The following WNT7B variants were observed in gnomAD, a reference collection of about 807,000 sequenced individuals.
WNT7B encodes Wnt family member 7B, also known as protein Wnt-7b.
A neutral mutation model predicts 38.2 loss-of-function variants in WNT7B; 19 were observed. The observed-to-expected ratio is 0.50, with a 90% confidence interval of 0.35 to 0.73. WNT7B has a LOEUF of 0.73. WNT7B is among the 30% of genes least tolerant of loss of function. The pLI, the probability that WNT7B is intolerant of heterozygous loss-of-function variation, is 0.01. For synonymous variants in WNT7B, 243 were observed against 209.3 expected, an observed-to-expected ratio of 1.16 and a Z score of -1.39; for missense variants, 423 against 507.9, an observed-to-expected ratio of 0.83 and a Z score of 1.61.
intron 2 of WNT7B, among the ~76,000 whole-genome samples, chr22:45,932,543 T>C (rs184268387): frequency 1.3e-5 from 2 of 152,286 alleles, no homozygotes; most frequent in African/African-American, 4.8e-5. Context: ...AGACCCGAGA[T>C]GGGCAGGTTC....
chr22:45,962,773 G>A (rs1932225488), intron 1 of WNT7B, among the ~76,000 whole-genome samples: 4 of 152,244 alleles, frequency 2.6e-5, no homozygotes, highest in Admixed American at 2.6e-4. Context: ...CCTGGCCCTG[G>A]CCCTGATGCC....
chr22:45,972,116 G>GGCCCCCCCCCCCCCCCCCCCCCCCCCCCC, intron 1 of WNT7B: 3 of 530,744 alleles, frequency 5.7e-6, no homozygotes, highest in Non-Finnish European at 9.9e-6. Context: ...CCCGGGGGGA[G>GGCCCCCCCCCCCCCCCCCCCCCCCCCCCC]CCCACCCGCC....
Position 45,926,130 on chromosome 22 carries a change from A to G in WNT7B, c.571-2795T>C, listed in dbSNP as rs967822031. 4.1e-6 allele frequency: 4 copies of G among 985,300 alleles called. No homozygotes were observed. The African/African-American group carries it at 5.2e-5, about 13-fold the overall frequency. 61.0% of individuals were successfully genotyped at this position (985,300 alleles called of 1,614,324 possible). A position where few individuals can be genotyped will look rare whatever the true frequency, so the allele number is the denominator to read the frequency against. Reference sequence around the variant, plus strand: ...CGCTGCTTGCAGAGCGAGGGGCCACATCCTCGCTTGGCTGGATCCCTTGGG... The same window carrying G: ...CGCTGCTTGCAGAGCGAGGGGCCACGTCCTCGCTTGGCTGGATCCCTTGGG... On this transcript the variant is annotated intron_variant, in intron 3 of 3. Coordinates refer to ENST00000339464, the MANE Select transcript of WNT7B (RefSeq NM_058238.3).
intron 3 of WNT7B, chr22:45,926,996 G>A: frequency 1.0e-6 from 1 of 985,436 alleles, no homozygotes; most frequent in African/African-American, 1.7e-5. Flanking sequence ...CTGGCTCCAG[G>A]AGCTGGTGGA....
intron 2 of WNT7B, among the ~76,000 whole-genome samples, chr22:45,932,574 T>C (rs1338663960): frequency 6.6e-6 from 1 of 152,184 alleles, no homozygotes; most frequent in East Asian, 1.9e-4. Flanking sequence ...TCCTCTTTGT[T>C]TCCCCCATCT....
At position 45,931,092 on chromosome 22, in the gene WNT7B, C is replaced by T. The variant is rs766682493; in HGVS notation, c.570+6G>A. 6.4e-6 allele frequency: 10 copies of T among 1,568,356 alleles called. No homozygotes were observed. The highest frequency in any genetic ancestry group is 6.0e-6 in the Non-Finnish European group (7 of 1,157,226). On this transcript the variant is annotated splice_donor_region_variant and intron_variant, in intron 3 of 3. Transcript: ENST00000339464. Reference sequence around the variant, plus strand: ...ACGGCCCCCACCAGCCGCACCCGCACCCTACCTTCCTGCCGGCCTCATTGT... The same window carrying T: ...ACGGCCCCCACCAGCCGCACCCGCATCCTACCTTCCTGCCGGCCTCATTGT...
intron 2 of WNT7B, among the ~76,000 whole-genome samples, chr22:45,946,764 G>A (rs917277946): frequency 3.3e-5 from 5 of 152,228 alleles, no homozygotes; most frequent in African/African-American, 9.6e-5. Flanking sequence ...GGGGAGAAGT[G>A]AGCGCCCCAT....
intron 1 of WNT7B, among the ~76,000 whole-genome samples, chr22:45,958,924 C>T (rs375190206): frequency 3.3e-5 from 5 of 152,254 alleles, no homozygotes; most frequent in East Asian, 3.9e-4. Flanking sequence ...GGAAGCCCCC[C>T]GACGGGCACC....
chr22:45,947,244 G>A (rs894340490), intron 2 of WNT7B, among the ~76,000 whole-genome samples: 5 of 152,344 alleles, frequency 3.3e-5, no homozygotes, highest in South Asian at 4.1e-4. Context: ...TGAGATTCCC[G>A]GCTAAGAAGT....
chr22:45,954,022 G>A (rs1324907425), intron 1 of WNT7B, among the ~76,000 whole-genome samples: 1 of 152,242 alleles, frequency 6.6e-6, no homozygotes, highest in Non-Finnish European at 1.5e-5. Flanking sequence ...CCTGTCAACA[G>A]CTGAGTGGAT....
chr22:45,947,791 T>C (rs1931832362), intron 2 of WNT7B, among the ~76,000 whole-genome samples: 1 of 152,138 alleles, frequency 6.6e-6, no homozygotes, highest in Admixed American at 6.5e-5. Context: ...TCTGCCAAAA[T>C]GTTTGCTTCT....
chr22:45,929,865 C>CATTCATAG (rs1931267632), intron 3 of WNT7B, among the ~76,000 whole-genome samples: 2 of 58,328 alleles, frequency 3.4e-5, no homozygotes, highest in Non-Finnish European at 7.0e-5. Flanking sequence ...TCCTTCCATC[C>CATTCATAG]ATCCATCCAA....
chr22:45,922,792 G>T lies in WNT7B; in HGVS notation c.*64C>A. On this transcript the variant is annotated 3_prime_UTR_variant, in exon 4 of 4. Coordinates refer to ENST00000339464, the MANE Select transcript of WNT7B (RefSeq NM_058238.3). ...CTGGCAGCACCAAGGCAGGGAAGGT[G>T]AGGAGTGGATGTGCAAAATGCCGCC... 1 of 1,548,004 alleles carries T rather than the reference G, an allele frequency of 6.5e-7. No individual in the cohort carries two copies.
chr22:45,939,249 A>T (rs1162588188), intron 2 of WNT7B, among the ~76,000 whole-genome samples: 23 of 152,160 alleles, frequency 1.5e-4, no homozygotes, highest in Admixed American at 1.5e-3. Flanking sequence ...AAAAACTTAA[A>T]CGTAGGGTCA....
chr22:45,936,976 G>C (rs951744678), intron 2 of WNT7B, among the ~76,000 whole-genome samples: 8 of 152,214 alleles, frequency 5.3e-5, no homozygotes, highest in African/African-American at 1.9e-4. Flanking sequence ...GTCCACAGGG[G>C]CCGGTGCACT....
intron 2 of WNT7B, among the ~76,000 whole-genome samples, chr22:45,945,888 G>C (rs567808317): frequency 7.2e-5 from 11 of 152,370 alleles, no homozygotes; most frequent in African/African-American, 2.6e-4. Context: ...CTGGTGTCCC[G>C]GGCCGCTCAC....
At position 45,976,981 on chromosome 22, in the gene WNT7B, G is replaced by T. The variant is rs2146760428; in HGVS notation, c.-227C>A. The T allele has an allele frequency of 1.0e-6, 1 of 987,022 alleles. No individual in the cohort carries two copies. The highest frequency in any genetic ancestry group is 1.1e-4 in the East Asian group (1 of 8,808). 61.1% of individuals were successfully genotyped at this position (987,022 alleles called of 1,614,324 possible). On this transcript the variant is annotated 5_prime_UTR_variant, in exon 1 of 4. Coordinates refer to ENST00000339464, the MANE Select transcript of WNT7B (RefSeq NM_058238.3). This position sits in a 1 kb window ranked among gnomAD's most constrained non-coding sequence, Gnocchi z 8.5. ...AGCCCGGGGAATTGACCCAGGCTGG[G>T]GGCCGCGACCTCGAAGCCCGGTTGA...
chr22:45,930,068 C>G (rs957201414), intron 3 of WNT7B, among the ~76,000 whole-genome samples: 2 of 148,464 alleles, frequency 1.3e-5, no homozygotes, highest in Non-Finnish European at 3.0e-5. Context: ...CTCTTCTGTG[C>G]CAGGCCCTAC....
In WNT7B at chr22:45,959,154, C is replaced by T. The variant is rs558837988; in HGVS notation, c.72-9008G>A. Among the ~76,000 whole-genome samples the T allele has an allele frequency of 5.9e-5, 9 of 152,330 alleles. No homozygotes were observed. The South Asian group carries it at 1.9e-3, about 32-fold the overall frequency. On this transcript the variant is annotated intron_variant, in intron 1 of 3. Coordinates refer to ENST00000339464, the MANE Select transcript of WNT7B (RefSeq NM_058238.3). Reference sequence around the variant, plus strand: ...GGCTGACAGACACATGCGGGAGACACTCTTCCCCGACAGAGGCCCCGCCTG... The same window carrying T: ...GGCTGACAGACACATGCGGGAGACATTCTTCCCCGACAGAGGCCCCGCCTG...
Sources: gnomAD v4.1 joint callset for allele counts (sites outside exome capture counted in the v4.1 genomes callset) on GRCh38, gnomAD v4.1.1 for gene constraint, Gnocchi (gnomAD v3.1) non-coding constraint, MANE v1.5 for transcripts, NCBI Gene and HGNC (gene_info 2026-07-23, HGNC 2026-07-21) for gene names.